GPC1: variants seen among roughly 807,000 people sequenced by gnomAD.
GPC1 encodes the protein glypican-1.
Under a neutral mutation model 51.5 loss-of-function variants are expected in GPC1, and 26 were observed. That is an observed-to-expected ratio of 0.50 (90% confidence interval 0.37 to 0.70). The LOEUF is 0.70. GPC1 is among the 30% of genes least tolerant of loss of function. GPC1 has a pLI of 0.00. For missense variants in GPC1, 775 were observed against 800.5 expected, an observed-to-expected ratio of 0.97 and a Z score of 0.38; for synonymous variants, 380 against 348.3, an observed-to-expected ratio of 1.09 and a Z score of -1.01.
intron 1 of GPC1, chr2:240,457,987 C>G: frequency 2.1e-6 from 1 of 466,196 alleles, no homozygotes; most frequent in Non-Finnish European, 4.5e-6. Context: ...TAGGCCAGCA[C>G]CAGGAGGGCC....
chr2:240,463,295 G>T, intron 3 of GPC1, 52 bp from the exon 4 acceptor site: 1 of 1,554,528 alleles, frequency 6.4e-7, no homozygotes. Context: ...GCTGGCCGGG[G>T]CCAGGCACCC....
chr2:240,439,187 G>A (rs529195964), intron 1 of GPC1, among the ~76,000 whole-genome samples: 331 of 152,226 alleles, frequency 2.2e-3, no homozygotes, highest in African/African-American at 7.7e-3. Context: ...ACCTCTAACT[G>A]TTTCCCTGTT....
intron 1 of GPC1, chr2:240,457,497 C>G (rs764993044): frequency 6.4e-6 from 3 of 469,382 alleles, no homozygotes; most frequent in African/African-American, 4.0e-5. Flanking sequence ...GGTCCCCACC[C>G]CAGATGGCCT....
chr2:240,436,158 G>A, intron 1 of GPC1, 74 bp downstream of exon 1: 1 of 1,041,272 alleles, frequency 9.6e-7, no homozygotes, highest in Non-Finnish European at 1.2e-6. Context: ...TTCCCGACGC[G>A]GCTACTCGCC....
chr2:240,455,178 GGGAA>G (rs1268433655), intron 1 of GPC1, among the ~76,000 whole-genome samples: 11 of 152,162 alleles, frequency 7.2e-5, no homozygotes, highest in Non-Finnish European at 1.2e-4. Context: ...GCAGGAGCCT[GGGAA>G]CTGGAGACTC....
chr2:240,444,008 G>A (rs1172178025), intron 1 of GPC1, among the ~76,000 whole-genome samples: 3 of 152,226 alleles, frequency 2.0e-5, no homozygotes, highest in Admixed American at 2.0e-4. Context: ...ATGGGGAGCT[G>A]GGCCAAGGCC....
intron 1 of GPC1, chr2:240,456,785 C>T (rs892364451): frequency 5.6e-6 from 2 of 359,980 alleles, no homozygotes; most frequent in Non-Finnish European, 5.8e-6. Context: ...GGGACTGGGG[C>T]AGAATCCCAT....
intron 1 of GPC1, among the ~76,000 whole-genome samples, chr2:240,436,401 G>C (rs1174077139): frequency 1.3e-5 from 2 of 152,046 alleles, no homozygotes; most frequent in Admixed American, 6.5e-5. Flanking sequence ...CGCTCCTCCC[G>C]GGCCACGGCT....
intron 1 of GPC1, among the ~76,000 whole-genome samples, chr2:240,436,924 G>A (rs1477026275): frequency 6.6e-6 from 1 of 152,280 alleles, no homozygotes; most frequent in East Asian, 1.9e-4. Flanking sequence ...TTCCCTCCCT[G>A]TGGTCCCGGA....
chr2:240,465,665 G>T lies in GPC1; in HGVS notation c.1444+17G>T. 1 of 1,610,348 alleles carries T rather than the reference G, an allele frequency of 6.2e-7. No individual in the cohort carries two copies. Among genetic ancestry groups the T allele is most frequent in the Non-Finnish European group, 8.5e-7 (1 of 1,178,306 alleles). ...AGGACGCCAGTGAGGGCAGGGCCTG[G>T]CCGGGCGGCCAAGGGGCCAGGGTTG... On this transcript the variant is annotated intron_variant, in intron 8 of 8. Coordinates refer to ENST00000264039, the MANE Select transcript of GPC1 (RefSeq NM_002081.3).
At chr2:240,461,739 C>T (rs1020952573) in intron 2 of GPC1, among the ~76,000 whole-genome samples, 2 of 152,194 alleles carry the variant, frequency 1.3e-5, no homozygotes, top group South Asian at 2.1e-4. Flanking sequence ...GCAGGGCAGG[C>T]GGCTGGGGCC....
chr2:240,466,758 G>C lies in GPC1; in HGVS notation c.*468G>C, dbSNP rs1364048030. ...CCTCCAGAGAAGCCCCGCACGGGCT[G>C]TCTGGGTGTCCGCCATCCAGGGTCT... is the stretch of plus-strand genomic sequence containing the variant. On this transcript the variant is annotated 3_prime_UTR_variant, in exon 9 of 9. Coordinates refer to ENST00000264039, the MANE Select transcript of GPC1 (RefSeq NM_002081.3). 6.2e-6 allele frequency: 1 copy of C among 161,558 alleles called. No homozygotes were observed. The highest frequency in any genetic ancestry group is 1.3e-5 in the Non-Finnish European group (1 of 74,598). 10.0% of individuals were successfully genotyped at this position (161,558 alleles called of 1,614,324 possible). A position where few individuals can be genotyped will look rare whatever the true frequency, so the allele number is the denominator to read the frequency against.
Position 240,459,032 on chromosome 2 carries a change from G to A in GPC1, c.169G>A (p.Glu57Lys). The A allele has an allele frequency of 6.2e-7, 1 of 1,612,612 alleles. No individual in the cohort carries two copies. Among genetic ancestry groups the A allele is most frequent in the South Asian group, 1.1e-5 (1 of 91,050 alleles). The change falls in exon 2 of 9, where the codon GAG (glutamate) becomes AAG (lysine). Residue 57 changes from glutamate to lysine, a missense_variant and splice_region_variant. Glu to Lys is a moderately conservative substitution (Grantham distance 56). Transcript: ENST00000264039. ...CTCACACTGGCCTTTCCCCACAGGT[G>A]AGCACCTGCGGATCTGTCCCCAGGG... ...SDVPQAEISG[E>K]HLRICPQGYT...
intron 1 of GPC1, chr2:240,442,459 G>A (rs6706807): frequency 0.14 from 21,757 of 152,244 alleles, 1,996 homozygotes; most frequent in African/African-American, 0.25. Flanking sequence ...CTTCTGAGGC[G>A]TGAGGAAGTC....
intron 3 of GPC1, 84 bp downstream of exon 3, chr2:240,462,666 A>C: frequency 1.6e-6 from 2 of 1,287,268 alleles, no homozygotes; most frequent in Non-Finnish European, 2.1e-6. Context: ...CCCTACTTTA[A>C]CCCTGTGCCC....
chr2:240,462,714 G>C (rs1269979544), intron 3 of GPC1, 132 bp downstream of exon 3: 1 of 758,004 alleles, frequency 1.3e-6, no homozygotes, highest in Non-Finnish European at 2.1e-6. Flanking sequence ...CAGCCCCACA[G>C]CCTCAGTCCC....
intron 1 of GPC1, chr2:240,449,832 A>T (rs563787388): frequency 4.3e-6 from 2 of 469,842 alleles, no homozygotes; most frequent in Non-Finnish European, 8.8e-6. Context: ...GGCTTCTTTC[A>T]CTCAGCGTCG....
intron 5 of GPC1, 22 bp downstream of exon 5, chr2:240,464,768 G>A (rs377059459): frequency 2.1e-5 from 33 of 1,593,112 alleles, no homozygotes; most frequent in South Asian, 1.1e-4. Context: ...AGGACGTGAC[G>A]AGCACAGCGG....
rs556814892 is a variant in GPC1 at position 240,438,451 on chromosome 2, C to T, written c.166+2367C>T. Among the ~76,000 whole-genome samples, 8 of 152,288 alleles carry T rather than the reference C, an allele frequency of 5.3e-5. No homozygotes were observed. In the South Asian group the frequency reaches 1.7e-3, roughly 32 times the overall value. The stretch of plus-strand genomic sequence containing the variant: ...GTGGAACGGGCGCCCTCTGGTGGCC[C>T]CTGGGCGGCAGATCCTCCCAGGAGC... On this transcript the variant is annotated intron_variant, in intron 1 of 8. Transcript: ENST00000264039.
Sources: allele counts gnomAD v4.1 joint callset (sites outside exome capture counted in the v4.1 genomes callset), GRCh38; gene constraint gnomAD v4.1.1; transcripts MANE v1.5; gene names NCBI Gene and HGNC (gene_info 2026-07-23, HGNC 2026-07-21).